Variants in RABEP1 observed in about 807,000 individuals in gnomAD.
RABEP1 encodes rab GTPase-binding effector protein 1.
In RABEP1, 51 loss-of-function variants were observed where a neutral mutation model predicts 123.4. The ratio of observed to expected loss-of-function variants is 0.41; its 90% CI spans 0.33 to 0.52. RABEP1 has a LOEUF of 0.52. Among genes scored for constraint, RABEP1 ranks in the 20% least tolerant of loss-of-function variants. RABEP1 has a pLI of 0.16. For missense variants in RABEP1, 888 were observed against 996.3 expected (o/e 0.89, Z 1.46); for synonymous variants, 347 against 355.2 (o/e 0.98, Z 0.26).
intron 12 of RABEP1, among the ~76,000 whole-genome samples, chr17:5,370,568 T>C (rs1238238285): frequency 2.0e-5 from 3 of 152,228 alleles, no homozygotes; most frequent in African/African-American, 7.2e-5. Flanking sequence ...GGCCAATTGC[T>C]TTGTTTCAGG....
intron 1 of RABEP1, among the ~76,000 whole-genome samples, chr17:5,284,740 G>A (rs2074960965): frequency 6.6e-6 from 1 of 152,034 alleles, no homozygotes; most frequent in South Asian, 2.1e-4. Flanking sequence ...TGCTAGGATT[G>A]TAGGTGTGAG....
At chr17:5,308,672 A>T in intron 1 of RABEP1, 22 bp from the exon 2 acceptor site, 3 of 1,599,506 alleles carry the variant, frequency 1.9e-6, no homozygotes, top group Non-Finnish European at 2.6e-6. Context: ...ATTACTTGTT[A>T]ACTAGTGTTT....
intron 15 of RABEP1, among the ~76,000 whole-genome samples, chr17:5,379,102 C>G (rs72837810): frequency 6.6e-6 from 1 of 152,174 alleles, no homozygotes; most frequent in African/African-American, 2.4e-5. Flanking sequence ...TAAGTTGCGT[C>G]TCTTCCATTC....
At chr17:5,339,739 G>A (rs1907418086) in intron 5 of RABEP1, among the ~76,000 whole-genome samples, 1 of 151,964 alleles carries the variant, frequency 6.6e-6, no homozygotes, top group African/African-American at 2.4e-5. Flanking sequence ...GGTGGAGATT[G>A]TTGCAGTTAC....
chr17:5,292,846 T>A (rs1260121223), intron 1 of RABEP1, among the ~76,000 whole-genome samples: 1 of 152,134 alleles, frequency 6.6e-6, no homozygotes, highest in African/African-American at 2.4e-5. Flanking sequence ...CATGCCTCGC[T>A]AGTTTTTGTA....
In RABEP1 at chr17:5,323,779, A is replaced by AAT. The variant is rs751544478; in HGVS notation, c.164-8157_164-8156dup. On this transcript the variant is annotated intron_variant, in intron 2 of 17. Coordinates refer to ENST00000537505, the MANE Select transcript of RABEP1 (RefSeq NM_004703.6). ...CTAGGAATATATATATATATCTAGGAATATATATATATATCTAGGAATATA... is the reference window on the plus strand; with the variant it reads ...CTAGGAATATATATATATATCTAGGAATATATATATATATATCTAGGAATATA... 2.5e-4 allele frequency among the ~76,000 whole-genome samples: 19 copies of AAT among 76,082 alleles called. 2 individuals are homozygous for AAT. The highest frequency in any genetic ancestry group is 7.8e-4 in the African/African-American group (13 of 16,644). 49.9% of individuals were successfully genotyped at this position (76,082 alleles called of 152,430 possible).
chr17:5,312,084 C>T (rs982496063), intron 2 of RABEP1, among the ~76,000 whole-genome samples: 3 of 152,292 alleles, frequency 2.0e-5, no homozygotes, highest in South Asian at 4.1e-4. Flanking sequence ...TTGCGTCCAC[C>T]TGACTTGCCA....
intron 1 of RABEP1, among the ~76,000 whole-genome samples, chr17:5,294,628 ATT>A (rs2075063253): frequency 1.5e-5 from 1 of 67,586 alleles, no homozygotes; most frequent in Non-Finnish European, 3.6e-5. Flanking sequence ...GGAAAACGGT[ATT>A]GTCTTTTTTT....
At chr17:5,318,514 A>G (rs1437414472) in intron 2 of RABEP1, among the ~76,000 whole-genome samples, 2 of 152,240 alleles carry the variant, frequency 1.3e-5, no homozygotes, top group African/African-American at 4.8e-5. Context: ...AAAGGATAAT[A>G]TAAGAAAATT....
rs61446536 is a variant in RABEP1, at chr17:5,329,818, C to CATATATATATATAT, written c.164-2117_164-2104dup. Among the ~76,000 whole-genome samples, 714 of 142,980 alleles carry CATATATATATATAT rather than the reference C, an allele frequency of 5.0e-3. 10 individuals carry two copies. Among genetic ancestry groups the CATATATATATATAT allele is most frequent in the African/African-American group, 0.013 (495 of 39,226 alleles). The allele number at this position is 142,980 out of a possible 152,430, so 93.8% of individuals were successfully genotyped here. On this transcript the variant is annotated intron_variant, in intron 2 of 17. Coordinates refer to ENST00000537505, the MANE Select transcript of RABEP1 (RefSeq NM_004703.6). ...TAAATATAACATTCATATATATGTTCATATATATATATATATATATATATA... is the reference window on the plus strand; with the variant it reads ...TAAATATAACATTCATATATATGTTCATATATATATATATATATATATATATATATATATATATA...
chr17:5,379,426 A>T (rs1911265633), intron 15 of RABEP1, among the ~76,000 whole-genome samples: 1 of 152,066 alleles, frequency 6.6e-6, no homozygotes, highest in African/African-American at 2.4e-5. Context: ...GGTGTCTCAT[A>T]TTCAGAAGGA....
At chr17:5,318,751 A>G (rs570805808) in intron 2 of RABEP1, among the ~76,000 whole-genome samples, 17 of 152,316 alleles carry the variant, frequency 1.1e-4, no homozygotes, top group African/African-American at 3.8e-4. Flanking sequence ...CCATACAAAG[A>G]CATTTAATGA....
At chr17:5,329,086 AGTT>A (rs1649273512) in intron 2 of RABEP1, among the ~76,000 whole-genome samples, 2 of 135,090 alleles carry the variant, frequency 1.5e-5, no homozygotes, top group Admixed American at 8.1e-5. Context: ...GTTATCAGGC[AGTT>A]GTTAATTTTG....
intron 1 of RABEP1, among the ~76,000 whole-genome samples, chr17:5,291,407 G>A (rs763921896): frequency 1.1e-4 from 17 of 151,800 alleles, no homozygotes; most frequent in Non-Finnish European, 2.1e-4. Flanking sequence ...GCGAGACTCC[G>A]TTTAAAAAAA....
chr17:5,290,436 A>G (rs796984763), intron 1 of RABEP1, among the ~76,000 whole-genome samples: 14 of 152,306 alleles, frequency 9.2e-5, no homozygotes, highest in African/African-American at 3.4e-4. Flanking sequence ...ATTTGGAATG[A>G]GTACGTTAAG....
At chr17:5,364,809 G>A (rs1909874874) in intron 10 of RABEP1, among the ~76,000 whole-genome samples, 1 of 152,026 alleles carries the variant, frequency 6.6e-6, no homozygotes, top group Non-Finnish European at 1.5e-5. Flanking sequence ...AATTTCTGGT[G>A]TTAGTGTGGA....
chr17:5,373,270 G>A lies in RABEP1; in HGVS notation c.1885-44G>A, dbSNP rs760083243. 26 of 1,588,240 alleles carry A rather than the reference G, an allele frequency of 1.6e-5. No individual in the cohort carries two copies. In the South Asian group the frequency reaches 1.8e-4, roughly 11 times the overall value. On this transcript the variant is annotated intron_variant, in intron 12 of 17. Transcript: ENST00000537505. Reference sequence around the variant, plus strand: ...TCTCTGGTGTAGCTATCACCAGACCGGATCTACCTTTCTGGCTGTGATTAG... The same window carrying A: ...TCTCTGGTGTAGCTATCACCAGACCAGATCTACCTTTCTGGCTGTGATTAG...
At chr17:5,282,921 C>T (rs879403187) in intron 1 of RABEP1, among the ~76,000 whole-genome samples, 4 of 152,036 alleles carry the variant, frequency 2.6e-5, no homozygotes, top group Non-Finnish European at 2.9e-5. Context: ...GTAGTGTACC[C>T]TCCCTGCCGC....
At chr17:5,320,842 CAGAA>C (rs1352871685) in intron 2 of RABEP1, among the ~76,000 whole-genome samples, 2 of 152,088 alleles carry the variant, frequency 1.3e-5, no homozygotes, top group African/African-American at 4.8e-5. Flanking sequence ...GCCCCAAAGA[CAGAA>C]AGAAGAGAGG....
Sources: gnomAD v4.1 joint callset for allele counts (sites outside exome capture counted in the v4.1 genomes callset) on GRCh38, gnomAD v4.1.1 for gene constraint, MANE v1.5 for transcripts, NCBI Gene and HGNC (gene_info 2026-07-23, HGNC 2026-07-21) for gene names.